TIAM2: variants seen among roughly 807,000 people sequenced by gnomAD.
The protein encoded by TIAM2 is TIAM Rac1 associated GEF 2.
Under a neutral mutation model 152.9 loss-of-function variants are expected in TIAM2, and 80 were observed. That is an observed-to-expected ratio of 0.52 (90% CI 0.44 to 0.63). The LOEUF is 0.63. TIAM2 is among the 30% of genes least tolerant of loss of function. The pLI is 0.00. For synonymous variants in TIAM2, 804 were observed against 838.0 expected, an observed-to-expected ratio of 0.96 and a Z score of 0.70; for missense variants, 1,965 against 2,120.1, an observed-to-expected ratio of 0.93 and a Z score of 1.44.
intron 2 of TIAM2, among the ~76,000 whole-genome samples, chr6:155,094,174 TC>T (rs1346641453): frequency 1.3e-5 from 2 of 152,226 alleles, no homozygotes; most frequent in Non-Finnish European, 2.9e-5. Flanking sequence ...GGTTCTACCT[TC>T]TCAGCTGGCA....
intron 2 of TIAM2, among the ~76,000 whole-genome samples, chr6:155,105,173 G>A (rs1302751371): frequency 1.3e-5 from 2 of 151,778 alleles, no homozygotes; most frequent in African/African-American, 4.8e-5. Context: ...AGCCAGGATG[G>A]TCTCAATCTC....
At chr6:155,215,401 CAG>C (rs1373212933) in intron 15 of TIAM2, among the ~76,000 whole-genome samples, 1 of 152,120 alleles carries the variant, frequency 6.6e-6, no homozygotes, top group African/African-American at 2.4e-5. Context: ...TCAACGAACA[CAG>C]AAGAAAAAAT....
intron 14 of TIAM2, among the ~76,000 whole-genome samples, chr6:155,202,907 G>A (rs1781508272): frequency 6.9e-6 from 1 of 145,860 alleles, no homozygotes; most frequent in South Asian, 2.2e-4. Context: ...AAAAAAATTA[G>A]CCGGATGTGG....
In TIAM2 at chr6:155,129,655, TGA is replaced by T. The variant is rs754698738; in HGVS notation, c.436_437del (p.Ser146HisfsTer47). 6.2e-7 allele frequency: 1 copy of T among 1,613,998 alleles called. No homozygotes were observed. The highest frequency in any genetic ancestry group is 8.5e-7 in the Non-Finnish European group (1 of 1,180,038). On this transcript the variant is annotated frameshift_variant, in exon 4 of 27. Coordinates refer to ENST00000682666, the MANE Select transcript of TIAM2 (RefSeq NM_012454.4). LOFTEE classifies it high-confidence loss of function. The surrounding 1 kb of genome is among the most constrained non-coding windows in gnomAD (Gnocchi z 4.8). ...ACCTTCTCAACTGCTACGGGAGGAA[TGA>T]GAGCATTGCCTCCACCCCACCGGGC... ...GHLLNCYGRN[E>X]SIASTPPGED...
chr6:155,204,322 C>A (rs760414971), intron 14 of TIAM2, among the ~76,000 whole-genome samples: 1 of 152,012 alleles, frequency 6.6e-6, no homozygotes, highest in African/African-American at 2.4e-5. Flanking sequence ...AATCATGTCC[C>A]TGATGGTCAT....
chr6:155,203,286 C>CT (rs1311081381), intron 14 of TIAM2, among the ~76,000 whole-genome samples: 3 of 151,984 alleles, frequency 2.0e-5, no homozygotes, highest in South Asian at 2.1e-4. Flanking sequence ...TACATTTGTA[C>CT]TTTTTTTAAA....
At chr6:155,219,244 G>T (rs1180708748) in intron 15 of TIAM2, among the ~76,000 whole-genome samples, 1 of 152,170 alleles carries the variant, frequency 6.6e-6, no homozygotes, top group Non-Finnish European at 1.5e-5. Flanking sequence ...TTAATGTATA[G>T]TGTTGTAAAT....
At chr6:155,189,128 G>A (rs1449827670) in intron 14 of TIAM2, among the ~76,000 whole-genome samples, 1 of 152,156 alleles carries the variant, frequency 6.6e-6, no homozygotes, top group Admixed American at 6.5e-5. Flanking sequence ...TCTCACCAGG[G>A]AAAAGCATTA....
intron 6 of TIAM2, 71 bp from the exon 7 acceptor site, chr6:155,148,039 A>C: frequency 6.6e-7 from 1 of 1,514,910 alleles, no homozygotes; most frequent in East Asian, 2.3e-5. Flanking sequence ...ATCTAAGCCC[A>C]GCCTGCCATT....
Position 155,186,633 on chromosome 6 carries a change from G to GT in TIAM2, c.3064+3136dup, listed in dbSNP as rs1188747480. On this transcript the variant is annotated intron_variant, in intron 14 of 26. Transcript: ENST00000682666. This position sits in a 1 kb window ranked among gnomAD's most constrained non-coding sequence, Gnocchi z 4.5. Reference sequence around the variant, plus strand: ...CTGTCTGTGGCATGTTCAGCCCAGCGTTTCACTTGGCAGGAATTCTGAAAA... The same window carrying GT: ...CTGTCTGTGGCATGTTCAGCCCAGCGTTTTCACTTGGCAGGAATTCTGAAAA... 6.6e-6 allele frequency among the ~76,000 whole-genome samples: 1 copy of GT among 152,086 alleles called. No homozygotes were observed. Among genetic ancestry groups the GT allele is most frequent in the Non-Finnish European group, 1.5e-5 (1 of 68,022 alleles).
intron 1 of TIAM2, among the ~76,000 whole-genome samples, chr6:155,017,641 C>T (rs1778616779): frequency 1.3e-5 from 2 of 151,562 alleles, no homozygotes; most frequent in African/African-American, 2.4e-5. Flanking sequence ...GTAGCTGGGA[C>T]TACAGGCACC....
chr6:155,116,436 C>T (rs143019556), intron 2 of TIAM2, among the ~76,000 whole-genome samples: 12 of 152,114 alleles, frequency 7.9e-5, no homozygotes, highest in Non-Finnish European at 1.6e-4. Context: ...AGAATAGTTA[C>T]ACATTTTATG....
rs1439777047 is a variant in TIAM2, at chr6:155,082,928, C to T, written c.-208-7361C>T. On this transcript the variant is annotated intron_variant, in intron 1 of 26. Coordinates refer to ENST00000682666, the MANE Select transcript of TIAM2 (RefSeq NM_012454.4). ...AGTCCCTGCTACTTTTTAACACTCC[C>T]TCCCCAAAATCATTCTCTTCTATTT... 2.0e-5 allele frequency among the ~76,000 whole-genome samples: 3 copies of T among 152,124 alleles called. No homozygotes were observed. The East Asian group carries it at 5.8e-4, about 29-fold the overall frequency.
intron 5 of TIAM2, among the ~76,000 whole-genome samples, chr6:155,139,591 G>A (rs13219130): frequency 0.12 from 18,811 of 152,198 alleles, 1,281 homozygotes; most frequent in Admixed American, 0.19. Flanking sequence ...TCTGCTTTAA[G>A]GTTTAAAAGT....
intron 1 of TIAM2, among the ~76,000 whole-genome samples, chr6:155,016,881 T>C (rs191871796): frequency 7.3e-4 from 111 of 152,204 alleles, no homozygotes; most frequent in African/African-American, 2.4e-3. Context: ...GCCTGGGTGA[T>C]AGAGCGAGAC....
At chr6:155,029,137 ATATACACTATATGTACTATGTGT>A (rs1776726677) in intron 1 of TIAM2, among the ~76,000 whole-genome samples, 1 of 121,104 alleles carries the variant, frequency 8.3e-6, no homozygotes, top group African/African-American at 3.0e-5. Context: ...ACTATGTGTT[ATATACACTATATGTACTATGTGT>A]TATATACACT....
chr6:155,233,750 G>A (rs1782589292), intron 15 of TIAM2, among the ~76,000 whole-genome samples: 1 of 152,168 alleles, frequency 6.6e-6, no homozygotes, highest in Non-Finnish European at 1.5e-5. Flanking sequence ...CTGGAGTTCA[G>A]GAGTTTGAGA....
chr6:155,004,086 A>G (rs1185217402), intron 1 of TIAM2, among the ~76,000 whole-genome samples: 1 of 152,236 alleles, frequency 6.6e-6, no homozygotes, highest in African/African-American at 2.4e-5. Flanking sequence ...CCTGTTGGCC[A>G]GGCTGTCCTG....
At chr6:155,215,517 T>C (rs1033544579) in intron 15 of TIAM2, among the ~76,000 whole-genome samples, 1 of 152,242 alleles carries the variant, frequency 6.6e-6, no homozygotes, top group Non-Finnish European at 1.5e-5. Context: ...TTTCCATGTA[T>C]AATGATAGAT....
Sources: allele counts gnomAD v4.1 joint callset (sites outside exome capture counted in the v4.1 genomes callset), GRCh38; gene constraint gnomAD v4.1.1; non-coding constraint Gnocchi (gnomAD v3.1); transcripts MANE v1.5; gene names NCBI Gene and HGNC (gene_info 2026-07-23, HGNC 2026-07-21).